The following ADAMTS19 variants were observed in gnomAD, a reference collection of about 807,000 sequenced individuals.
ADAMTS19 encodes A disintegrin and metalloproteinase with thrombospondin motifs 19.
ADAMTS19 carries 93 observed loss-of-function variants against 153.3 expected under a neutral mutation model. The observed-to-expected ratio is 0.61, with a 90% CI of 0.51 to 0.72. The LOEUF is 0.72. Among genes scored for constraint, ADAMTS19 ranks in the 30% least tolerant of loss-of-function variants. The pLI is 0.00. For synonymous variants in ADAMTS19, 600 were observed against 556.6 expected (o/e 1.08, Z -1.10); for missense variants, 1,482 against 1,552.1 (o/e 0.95, Z 0.76).
intron 18 of ADAMTS19, among the ~76,000 whole-genome samples, chr5:129,687,266 C>G (rs1398581804): frequency 2.6e-5 from 4 of 152,114 alleles, no homozygotes; most frequent in Admixed American, 6.6e-5. Context: ...GACAGACAGG[C>G]TGATGGTTCA....
At chr5:129,550,712 T>C (rs1385670400) in intron 6 of ADAMTS19, among the ~76,000 whole-genome samples, 19 of 138,708 alleles carry the variant, frequency 1.4e-4, no homozygotes, top group Admixed American at 1.3e-3. Flanking sequence ...TAATTTTAAG[T>C]CTTTTTTTTA....
intron 21 of ADAMTS19, among the ~76,000 whole-genome samples, chr5:129,726,769 G>A (rs1394534052): frequency 6.6e-6 from 1 of 152,038 alleles, no homozygotes; most frequent in Non-Finnish European, 1.5e-5. Flanking sequence ...TGATCTCCTT[G>A]AGTCCTACCC....
At chr5:129,577,415 A>G (rs1195415159) in intron 7 of ADAMTS19, among the ~76,000 whole-genome samples, 1 of 152,148 alleles carries the variant, frequency 6.6e-6, no homozygotes, top group Non-Finnish European at 1.5e-5. Flanking sequence ...GGTATATTAA[A>G]AGATAAAACT....
chr5:129,527,764 A>T lies in ADAMTS19; in HGVS notation c.1103A>T (p.Gln368Leu). The change falls in exon 5 of 23, where the codon CAA (glutamine) becomes CTA (leucine). Residue 368 changes from glutamine (Q) to leucine (L), a missense_variant. Gln to Leu is a moderately radical substitution (Grantham distance 113). Around this residue, in one of 2 missense-constraint regions of ADAMTS19, gnomAD observed 866 missense variants for 827.7 expected, o/e 1.05. Coordinates refer to ENST00000274487, the MANE Select transcript of ADAMTS19 (RefSeq NM_133638.6). ...TILNMVFNLFQHKSLSVQVNL... is the reference protein window; with the variant it reads ...TILNMVFNLFLHKSLSVQVNL... ...TGTTTTTAGGTATTTAACCTTTTCC[A>T]ACACAAGAGTCTGAGTGTGCAGGTC... 2 of 1,579,800 alleles carry T rather than the reference A, an allele frequency of 1.3e-6. No homozygotes were observed. Among genetic ancestry groups the T allele is most frequent in the South Asian group, 2.3e-5 (2 of 87,376 alleles).
At chr5:129,626,609 A>G (rs550279635) in intron 10 of ADAMTS19, among the ~76,000 whole-genome samples, 5 of 152,084 alleles carry the variant, frequency 3.3e-5, no homozygotes, top group Non-Finnish European at 7.4e-5. Flanking sequence ...CAGCATGTAA[A>G]GTGTAGTAAC....
chr5:129,716,459 A>C (rs1296417862), intron 21 of ADAMTS19, among the ~76,000 whole-genome samples: 1 of 152,144 alleles, frequency 6.6e-6, no homozygotes, highest in African/African-American at 2.4e-5. Flanking sequence ...TTGGCTTCCC[A>C]AAGTGCTGAG....
intron 15 of ADAMTS19, 87 bp downstream of exon 15, chr5:129,658,824 G>GTTCTAA: frequency 2.2e-6 from 3 of 1,362,008 alleles, no homozygotes; most frequent in Non-Finnish European, 2.9e-6. Flanking sequence ...AGAGATTATA[G>GTTCTAA]TTCTAATTCT....
chr5:129,662,836 G>T (rs908573679), intron 15 of ADAMTS19, among the ~76,000 whole-genome samples: 9 of 150,948 alleles, frequency 6.0e-5, no homozygotes, highest in Non-Finnish European at 1.0e-4. Context: ...TCATCCATAG[G>T]GTCCCACTTC....
rs1756049979 is a variant in ADAMTS19, at chr5:129,704,366, T to G, written c.3287T>G (p.Val1096Gly). 1 of 1,613,908 alleles carries G rather than the reference T, an allele frequency of 6.2e-7. No homozygotes were observed. Among genetic ancestry groups the G allele is most frequent in the African/African-American group, 1.3e-5 (1 of 74,922 alleles). ...EDCEDYSKCY[V>G]WRMGDWSKCS... ...TGTGAGGATTATTCAAAATGCTATG[T>G]GTGGCGAATGGGTGACTGGTCTAAG... The change falls in exon 21 of 23, where the codon GTG becomes GGG. Residue 1096 changes from valine to glycine, a missense_variant. Val to Gly is a moderately radical substitution (Grantham distance 109, BLOSUM62 -3). Coordinates refer to ENST00000274487, the MANE Select transcript of ADAMTS19 (RefSeq NM_133638.6).
intron 18 of ADAMTS19, among the ~76,000 whole-genome samples, chr5:129,692,343 A>T (rs1168237957): frequency 2.0e-5 from 3 of 152,162 alleles, no homozygotes; most frequent in African/African-American, 4.8e-5. Context: ...TCCATGTGAA[A>T]AAAAAAAGAG....
At chr5:129,527,375 GT>G (rs1023134798) in intron 4 of ADAMTS19, among the ~76,000 whole-genome samples, 195 of 140,204 alleles carry the variant, frequency 1.4e-3, no homozygotes, top group Middle Eastern at 3.7e-3. Context: ...GGGGAACAGA[GT>G]TTTTTTTTTT....
chr5:129,599,796 T>G lies in ADAMTS19; in HGVS notation c.1478+3132T>G, dbSNP rs2126926895. Reference sequence around the variant, plus strand: ...GTACGAAAATATTATTTTATTTGACTTTTATAGAGCTGTACCCAAAATCAA... The same window carrying G: ...GTACGAAAATATTATTTTATTTGACGTTTATAGAGCTGTACCCAAAATCAA... On this transcript the variant is annotated intron_variant, in intron 8 of 22. Coordinates refer to ENST00000274487, the MANE Select transcript of ADAMTS19 (RefSeq NM_133638.6). Among the ~76,000 whole-genome samples, 2 of 152,296 alleles carry G rather than the reference T, an allele frequency of 1.3e-5. 1 individual carries two copies. The highest frequency in any genetic ancestry group is 4.8e-5 in the African/African-American group (2 of 41,578).
At chr5:129,621,498 C>A (rs2126978149) in intron 9 of ADAMTS19, among the ~76,000 whole-genome samples, 1 of 152,166 alleles carries the variant, frequency 6.6e-6, no homozygotes, top group East Asian at 1.9e-4. Context: ...ATAGTTAAGC[C>A]CATTTTTCTA....
At chr5:129,491,469 T>A (rs1036994490) in intron 2 of ADAMTS19, among the ~76,000 whole-genome samples, 5 of 152,216 alleles carry the variant, frequency 3.3e-5, no homozygotes, top group African/African-American at 9.6e-5. Flanking sequence ...ATTGGTCAGG[T>A]TGACCATCTT....
At chr5:129,736,163 C>T (rs1335019239) in intron 22 of ADAMTS19, among the ~76,000 whole-genome samples, 2 of 151,934 alleles carry the variant, frequency 1.3e-5, no homozygotes, top group Non-Finnish European at 2.9e-5. Context: ...TCCATTTATT[C>T]AATAGCAGTA....
chr5:129,650,810 AC>A (rs1202487988), intron 13 of ADAMTS19, among the ~76,000 whole-genome samples: 2 of 152,100 alleles, frequency 1.3e-5, no homozygotes, highest in Non-Finnish European at 2.9e-5. Flanking sequence ...GAGCTGGTGC[AC>A]CTACATGTTT....
chr5:129,696,310 G>A (rs138890511), intron 19 of ADAMTS19, among the ~76,000 whole-genome samples: 5,477 of 152,136 alleles, frequency 0.036, 311 homozygotes, highest in African/African-American at 0.13. Context: ...CTAGCTACTC[G>A]GGAGGCTGAG....
At chr5:129,551,217 C>T (rs1041427800) in intron 6 of ADAMTS19, among the ~76,000 whole-genome samples, 32 of 151,688 alleles carry the variant, frequency 2.1e-4, no homozygotes, top group African/African-American at 7.5e-4. Context: ...AATCTCATAG[C>T]TCTTATTAAG....
In ADAMTS19 at chr5:129,461,399, G is replaced by A; in HGVS notation, c.389G>A (p.Arg130Gln). The change falls in exon 2 of 23, where the codon CGG becomes CAG. Residue 130 changes from arginine (R) to glutamine (Q), a missense_variant. Coordinates refer to ENST00000274487, the MANE Select transcript of ADAMTS19 (RefSeq NM_133638.6). This position sits in a 1 kb window ranked among gnomAD's most constrained non-coding sequence, Gnocchi z 4.6. ...GAGCTCGAGTCGCAGGAGCTGCCGC[G>A]GGGATCCAGCGGGGCTGCCGCCTTG... ...DEELESQELP[R>Q]GSSGAAALSP... 1 of 1,353,124 alleles carries A rather than the reference G, an allele frequency of 7.4e-7. No individual in the cohort carries two copies. The highest frequency in any genetic ancestry group is 3.1e-5 in the East Asian group (1 of 32,706). The allele number at this position is 1,353,124 out of a possible 1,614,324, so 83.8% of individuals were successfully genotyped here. A position where few individuals can be genotyped will look rare whatever the true frequency, so the allele number is the denominator to read the frequency against.
Sources: gnomAD v4.1 joint callset for allele counts (sites outside exome capture counted in the v4.1 genomes callset) on GRCh38, gnomAD v4.1.1 for gene constraint, gnomAD v4.1.1 regional missense constraint, Gnocchi (gnomAD v3.1) non-coding constraint, MANE v1.5 for transcripts, NCBI Gene and HGNC (gene_info 2026-07-23, HGNC 2026-07-21) for gene names.